PCDHGA2: variants seen among roughly 807,000 people sequenced by gnomAD.
The protein encoded by PCDHGA2 is protocadherin gamma-A2.
In PCDHGA2, 40 loss-of-function variants were observed where a neutral mutation model predicts 59.2. The ratio of observed to expected loss-of-function variants is 0.68; its 90% CI spans 0.52 to 0.88. The LOEUF is 0.88. PCDHGA2 is among the 40% of genes least tolerant of loss of function. PCDHGA2 has a pLI of 0.00. For synonymous variants in PCDHGA2, 560 were observed against 526.0 expected (o/e 1.06, Z -0.89); for missense variants, 1,226 against 1,204.0 (o/e 1.02, Z -0.27).
At chr5:141,385,259 A>G (rs1202101252) in intron 1 of PCDHGA2, 2 of 1,613,774 alleles carry the variant, frequency 1.2e-6, no homozygotes, top group Middle Eastern at 1.6e-4. Context: ...AGCTGTGAGA[A>G]AAATGATTCT....
In PCDHGA2 at chr5:141,486,157, A is replaced by C. The variant is rs1562110580; in HGVS notation, c.2425-8650A>C. On this transcript the variant is annotated intron_variant, in intron 1 of 3. Transcript: ENST00000394576. This position sits in a 1 kb window ranked among gnomAD's most constrained non-coding sequence, Gnocchi z 5.0. ...TGCGGGCTCGCGATGGGGGTTCTCC[A>C]GCCATGGAGCAACATTGCAGCCTTC... 10 of 1,614,208 alleles carry C rather than the reference A, an allele frequency of 6.2e-6. No individual in the cohort carries two copies. The highest frequency in any genetic ancestry group is 8.5e-6 in the Non-Finnish European group (10 of 1,180,028).
intron 2 of PCDHGA2, among the ~76,000 whole-genome samples, chr5:141,495,389 C>T (rs966648925): frequency 2.0e-5 from 3 of 152,204 alleles, no homozygotes; most frequent in African/African-American, 7.2e-5. Context: ...CTGGGCGGGG[C>T]ATGGAGCAGG....
chr5:141,491,795 C>G lies in PCDHGA2; in HGVS notation c.2425-3012C>G. The G allele has an allele frequency of 6.6e-7, 1 of 1,511,694 alleles. No individual in the cohort carries two copies. The highest frequency in any genetic ancestry group is 8.8e-7 in the Non-Finnish European group (1 of 1,130,430). The allele number at this position is 1,511,694 out of a possible 1,614,324, so 93.6% of individuals were successfully genotyped here. On this transcript the variant is annotated intron_variant, in intron 1 of 3. Transcript: ENST00000394576. The surrounding 1 kb of genome is among the most constrained non-coding windows in gnomAD (Gnocchi z 6.9). ...GGATTGAACTTGCATCCACTCCTCT[C>G]CGGCCGGCTTGGTCGCTGGCTGCGC...
At chr5:141,394,001 G>C in intron 1 of PCDHGA2, 1 of 1,613,458 alleles carries the variant, frequency 6.2e-7, no homozygotes, top group Non-Finnish European at 8.5e-7. Flanking sequence ...AATTAGAAAA[G>C]TCAATAGGTA....
chr5:141,422,330 C>A, intron 1 of PCDHGA2: 1 of 1,548,166 alleles, frequency 6.5e-7, no homozygotes. Flanking sequence ...ACAGTGATTG[C>A]TCTTCTAAAT....
chr5:141,362,722 T>C, intron 1 of PCDHGA2: 3 of 871,460 alleles, frequency 3.4e-6, no homozygotes, highest in Non-Finnish European at 5.1e-6. Context: ...CTCTCTGAAG[T>C]GTGAGATTTA....
rs1369956811 is a variant in PCDHGA2, at chr5:141,460,759, A to G, written c.2425-34048A>G. Among the ~76,000 whole-genome samples, 3 of 152,088 alleles carry G rather than the reference A, an allele frequency of 2.0e-5. No individual in the cohort carries two copies. In the East Asian group the frequency reaches 5.8e-4, roughly 29 times the overall value. On this transcript the variant is annotated intron_variant, in intron 1 of 3. Coordinates refer to ENST00000394576, the MANE Select transcript of PCDHGA2 (RefSeq NM_018915.4). ...ATTGTATATATATGTGTACATATAC[A>G]TATTGCATATGTATGTATACATATA...
rs373867677 is a variant in PCDHGA2 at position 141,432,049 on chromosome 5, G to A, written c.2425-62758G>A. The A allele has an allele frequency of 2.0e-5, 32 of 1,614,150 alleles. No individual in the cohort carries two copies. In the African/African-American group the frequency reaches 4.1e-4, roughly 21 times the overall value. ...TGACCGCCACTGACCGGGGAACCCC[G>A]CCCCTATCCACGGAAACTCATATCT... On this transcript the variant is annotated intron_variant, in intron 1 of 3. Coordinates refer to ENST00000394576, the MANE Select transcript of PCDHGA2 (RefSeq NM_018915.4). The surrounding 1 kb of genome is among the most constrained non-coding windows in gnomAD (Gnocchi z 6.0).
intron 1 of PCDHGA2, chr5:141,361,349 T>C (rs1459363979): frequency 1.2e-6 from 2 of 1,613,856 alleles, no homozygotes; most frequent in Non-Finnish European, 1.7e-6. Context: ...TACAAACTAG[T>C]GACAGACGGC....
chr5:141,357,791 A>C, intron 1 of PCDHGA2: 1 of 828,800 alleles, frequency 1.2e-6, no homozygotes, highest in African/African-American at 1.7e-5. Flanking sequence ...AGTATTTACC[A>C]CACAAAAATG....
chr5:141,481,401 CT>C (rs2099537157), intron 1 of PCDHGA2, among the ~76,000 whole-genome samples: 1 of 152,204 alleles, frequency 6.6e-6, no homozygotes, highest in African/African-American at 2.4e-5. Flanking sequence ...TGACAAAATT[CT>C]TGTATAATTA....
chr5:141,393,013 T>A (rs754075095), intron 1 of PCDHGA2: 1 of 1,613,694 alleles, frequency 6.2e-7, no homozygotes, highest in African/African-American at 1.3e-5. Context: ...GTCCGTATCG[T>A]CTCCAGAGGT....
intron 1 of PCDHGA2, among the ~76,000 whole-genome samples, chr5:141,451,875 T>C (rs747595781): frequency 5.9e-5 from 9 of 151,594 alleles, no homozygotes; most frequent in Non-Finnish European, 1.3e-4. Context: ...AATGAAACCC[T>C]GTCAAGAAAG....
chr5:141,400,363 T>C (rs1271706599), intron 1 of PCDHGA2: 1 of 1,613,958 alleles, frequency 6.2e-7, no homozygotes, highest in Non-Finnish European at 8.5e-7. Flanking sequence ...GACTTTGCCT[T>C]ATTCCTACAA....
At chr5:141,352,630 A>G in intron 1 of PCDHGA2, 3 of 1,611,280 alleles carry the variant, frequency 1.9e-6, no homozygotes, top group Non-Finnish European at 2.5e-6. Context: ...CCAGTAATGA[A>G]GATCACAAAA....
intron 1 of PCDHGA2, chr5:141,404,458 C>A: frequency 6.2e-7 from 1 of 1,612,914 alleles, no homozygotes; most frequent in East Asian, 2.2e-5. Context: ...CTCCTCTCTC[C>A]ACCTATGTCT....
At chr5:141,464,137 C>T (rs1015442185) in intron 1 of PCDHGA2, among the ~76,000 whole-genome samples, 9 of 151,928 alleles carry the variant, frequency 5.9e-5, no homozygotes, top group Non-Finnish European at 7.4e-5. Context: ...TGGTGGTGGG[C>T]GCCTGTAGTC....
chr5:141,417,556 A>G, intron 1 of PCDHGA2: 1 of 333,096 alleles, frequency 3.0e-6, no homozygotes, highest in Non-Finnish European at 5.4e-6. Flanking sequence ...TGAAAGAGGT[A>G]GAGAAAAGTC....
At chr5:141,377,605 C>T (rs572021306) in intron 1 of PCDHGA2, 1 of 140,680 alleles carries the variant, frequency 7.1e-6, no homozygotes, top group Admixed American at 7.1e-5. Context: ...CTCTCTCTCT[C>T]AAAAAAAAAA....
Sources: allele counts gnomAD v4.1 joint callset (sites outside exome capture counted in the v4.1 genomes callset), GRCh38; gene constraint gnomAD v4.1.1; non-coding constraint Gnocchi (gnomAD v3.1); transcripts MANE v1.5; gene names NCBI Gene and HGNC (gene_info 2026-07-23, HGNC 2026-07-21).